Variants in CCSER1 observed in about 807,000 individuals in gnomAD.
The protein encoded by CCSER1 is serine-rich coiled-coil domain-containing protein 1.
CCSER1 carries 41 observed loss-of-function variants against 82.0 expected under a neutral mutation model. The ratio of observed to expected loss-of-function variants is 0.50; its 90% CI spans 0.39 to 0.65. The LOEUF (loss-of-function observed/expected upper bound fraction) is 0.65. Ranked by LOEUF, CCSER1 falls within the 30% of genes least tolerant of loss-of-function variation. The pLI, the probability that CCSER1 is intolerant of heterozygous loss-of-function variation, is 0.00. For synonymous variants in CCSER1, 414 were observed against 383.9 expected (o/e 1.08, Z -0.92); for missense variants, 1,119 against 1,064.2 (o/e 1.05, Z -0.72).
chr4:90,416,999 G>A (rs1034171958), intron 4 of CCSER1, among the ~76,000 whole-genome samples: 1 of 152,146 alleles, frequency 6.6e-6, no homozygotes, highest in Admixed American at 6.5e-5. Flanking sequence ...GCTGAACAAT[G>A]AGAACACGTG....
chr4:90,749,405 T>G (rs1288754468), intron 7 of CCSER1, among the ~76,000 whole-genome samples: 1 of 151,814 alleles, frequency 6.6e-6, no homozygotes, highest in Non-Finnish European at 1.5e-5. Flanking sequence ...ATATCTCTGT[T>G]TTGGTACCAG....
At chr4:90,859,135 A>G (rs1362232468) in intron 8 of CCSER1, among the ~76,000 whole-genome samples, 2 of 151,862 alleles carry the variant, frequency 1.3e-5, no homozygotes, top group Non-Finnish European at 2.9e-5. Flanking sequence ...AGCACACAGA[A>G]ACTGATCCCA....
intron 6 of CCSER1, among the ~76,000 whole-genome samples, chr4:90,645,110 G>A (rs1256603552): frequency 1.3e-5 from 2 of 150,812 alleles, no homozygotes; most frequent in African/African-American, 4.9e-5. Context: ...AAAAAGACAC[G>A]ATCTCATTCT....
chr4:90,975,502 A>T (rs951265664), intron 9 of CCSER1, among the ~76,000 whole-genome samples: 27 of 151,434 alleles, frequency 1.8e-4, no homozygotes, highest in South Asian at 4.1e-4. Flanking sequence ...ATTTTATGGT[A>T]TGTGATTTAT....
intron 9 of CCSER1, among the ~76,000 whole-genome samples, chr4:91,001,398 G>A (rs183768229): frequency 2.0e-5 from 3 of 152,208 alleles, no homozygotes; most frequent in African/African-American, 7.2e-5. Flanking sequence ...GGCAGGTTTG[G>A]TATCAGGGTG....
At chr4:90,153,656 A>G (rs1013533025) in intron 1 of CCSER1, among the ~76,000 whole-genome samples, 1 of 152,038 alleles carries the variant, frequency 6.6e-6, no homozygotes, top group Non-Finnish European at 1.5e-5. Flanking sequence ...GCATTTTTTC[A>G]TGCGGTTTTT....
chr4:90,506,346 G>T (rs1578860487), intron 5 of CCSER1, among the ~76,000 whole-genome samples: 1 of 152,210 alleles, frequency 6.6e-6, no homozygotes, highest in East Asian at 1.9e-4. Flanking sequence ...AGAACCAGAA[G>T]TAAAATATAA....
At chr4:90,960,013 C>A (rs1321676029) in intron 9 of CCSER1, among the ~76,000 whole-genome samples, 5 of 152,094 alleles carry the variant, frequency 3.3e-5, no homozygotes, top group Non-Finnish European at 7.4e-5. Flanking sequence ...TGTGCTCCAG[C>A]AAGACAGTTC....
At chr4:90,931,784 T>G (rs1037140094) in intron 9 of CCSER1, among the ~76,000 whole-genome samples, 1 of 152,198 alleles carries the variant, frequency 6.6e-6, no homozygotes, top group Non-Finnish European at 1.5e-5. Context: ...CTCAGTGTGG[T>G]CTTTGTCCAT....
intron 10 of CCSER1, among the ~76,000 whole-genome samples, chr4:91,109,521 T>G (rs949229110): frequency 4.6e-4 from 70 of 151,532 alleles, no homozygotes; most frequent in African/African-American, 1.7e-3. Flanking sequence ...TGTAGAGAGA[T>G]CAAAAGCATT....
At chr4:91,080,323 T>A (rs1343363660) in intron 9 of CCSER1, among the ~76,000 whole-genome samples, 1 of 152,156 alleles carries the variant, frequency 6.6e-6, no homozygotes, top group Non-Finnish European at 1.5e-5. Context: ...GACTACTGGG[T>A]ACATAAAGAA....
chr4:91,122,227 G>T (rs1727146880), intron 10 of CCSER1, among the ~76,000 whole-genome samples: 1 of 151,616 alleles, frequency 6.6e-6, no homozygotes, highest in African/African-American at 2.4e-5. Context: ...AAATAGTGAT[G>T]GTTCCTTGAT....
chr4:91,274,165 G>T (rs996730852), intron 10 of CCSER1, among the ~76,000 whole-genome samples: 2 of 152,076 alleles, frequency 1.3e-5, no homozygotes, highest in Non-Finnish European at 2.9e-5. Flanking sequence ...TCTTTATGCT[G>T]ATGTGATGAC....
intron 3 of CCSER1, among the ~76,000 whole-genome samples, chr4:90,353,158 C>T (rs1350612434): frequency 6.6e-6 from 1 of 152,070 alleles, no homozygotes; most frequent in Non-Finnish European, 1.5e-5. Context: ...TCGAGTATAA[C>T]TTAAAGAAAA....
chr4:90,875,948 T>C lies in CCSER1; in HGVS notation c.2095-47422T>C, dbSNP rs72881374. 3.9e-3 allele frequency among the ~76,000 whole-genome samples: 596 copies of C among 152,272 alleles called. 1 individual carries two copies. The highest frequency in any genetic ancestry group is 0.013 in the African/African-American group (560 of 41,566). The stretch of plus-strand genomic sequence containing the variant: ...CACTTATAAAAAGCAGCCTATAAAT[T>C]CTTAATTTCATGTCAGTGTTTACGA... On this transcript the variant is annotated intron_variant, in intron 8 of 10. Coordinates refer to ENST00000509176, the MANE Select transcript of CCSER1 (RefSeq NM_001145065.2).
At chr4:90,973,149 A>G (rs1735276895) in intron 9 of CCSER1, among the ~76,000 whole-genome samples, 1 of 151,712 alleles carries the variant, frequency 6.6e-6, no homozygotes, top group East Asian at 1.9e-4. Context: ...ATAAAAACAG[A>G]AATAGACAAG....
intron 10 of CCSER1, among the ~76,000 whole-genome samples, chr4:91,092,197 G>C (rs1005455425): frequency 3.9e-5 from 6 of 152,200 alleles, no homozygotes; most frequent in South Asian, 4.1e-4. Flanking sequence ...TAGGCGGCAT[G>C]TAGCTTCCAA....
At chr4:90,773,479 G>C (rs1752501151) in intron 7 of CCSER1, among the ~76,000 whole-genome samples, 1 of 152,120 alleles carries the variant, frequency 6.6e-6, no homozygotes, top group Non-Finnish European at 1.5e-5. Flanking sequence ...CTTTGTGTTA[G>C]CTATTATTGT....
At chr4:90,499,160 A>G (rs148290518) in intron 5 of CCSER1, among the ~76,000 whole-genome samples, 1 of 151,498 alleles carries the variant, frequency 6.6e-6, no homozygotes, top group Non-Finnish European at 1.5e-5. Context: ...GTGTATTTGT[A>G]TGTGACATTT....
Sources: allele counts gnomAD v4.1 joint callset (sites outside exome capture counted in the v4.1 genomes callset), GRCh38; gene constraint gnomAD v4.1.1; transcripts MANE v1.5; gene names NCBI Gene and HGNC (gene_info 2026-07-23, HGNC 2026-07-21).